ATE1: variants seen among roughly 807,000 people sequenced by gnomAD.
ATE1 encodes the protein arginyltransferase 1.
ATE1 carries 36 observed loss-of-function variants against 70.5 expected under a neutral mutation model. That is an observed-to-expected ratio of 0.51 (90% CI 0.39 to 0.67). The LOEUF (loss-of-function observed/expected upper bound fraction) is 0.67, where lower values mean the gene tolerates loss of function less well. Ranked by LOEUF, ATE1 falls within the 30% of genes least tolerant of loss-of-function variation. ATE1 has a pLI of 0.00. For missense variants in ATE1, 593 were observed against 629.5 expected, an observed-to-expected ratio of 0.94 and a Z score of 0.62; for synonymous variants, 232 against 219.3, an observed-to-expected ratio of 1.06 and a Z score of -0.51.
At chr10:121,848,562 G>A (rs931422665) in intron 8 of ATE1, among the ~76,000 whole-genome samples, 7 of 151,130 alleles carry the variant, frequency 4.6e-5, no homozygotes, top group African/African-American at 1.7e-4. Flanking sequence ...AGGCTGCAGT[G>A]GGCCAAGATC....
At chr10:121,886,938 T>C (rs1423917571) in intron 7 of ATE1, among the ~76,000 whole-genome samples, 1 of 152,206 alleles carries the variant, frequency 6.6e-6, no homozygotes, top group African/African-American at 2.4e-5. Flanking sequence ...TACTTTCATA[T>C]ACAAAAATGT....
At chr10:121,867,195 G>T (rs753351859) in intron 8 of ATE1, among the ~76,000 whole-genome samples, 2 of 152,114 alleles carry the variant, frequency 1.3e-5, no homozygotes, top group African/African-American at 2.4e-5. Context: ...ACTAAGAATG[G>T]GAAAGCAATA....
At chr10:121,751,676 A>C (rs1471232879) in intron 11 of ATE1, among the ~76,000 whole-genome samples, 1 of 152,152 alleles carries the variant, frequency 6.6e-6, no homozygotes. Flanking sequence ...TTGAGTTGTC[A>C]GAATTCTTTA....
At chr10:121,900,150 A>G (rs1299574574) in intron 6 of ATE1, among the ~76,000 whole-genome samples, 156 bp from the exon 7 acceptor site, 1 of 152,228 alleles carries the variant, frequency 6.6e-6, no homozygotes, top group East Asian at 1.9e-4. Flanking sequence ...GTTAGTAAAT[A>G]AAGAAAAAAG....
chr10:121,825,953 A>G (rs1009923062), intron 10 of ATE1, among the ~76,000 whole-genome samples: 11 of 152,376 alleles, frequency 7.2e-5, no homozygotes, highest in African/African-American at 1.7e-4. Context: ...TGAATAAACA[A>G]AATGTGGTAT....
chr10:121,754,864 G>A (rs1198944269), intron 11 of ATE1, among the ~76,000 whole-genome samples: 1 of 152,160 alleles, frequency 6.6e-6, no homozygotes, highest in Non-Finnish European at 1.5e-5. Context: ...AATTAACACT[G>A]TATACCTCCT....
At chr10:121,893,577 A>AT (rs1950658195) in intron 7 of ATE1, among the ~76,000 whole-genome samples, 1 of 152,136 alleles carries the variant, frequency 6.6e-6, no homozygotes, top group Non-Finnish European at 1.5e-5. Context: ...GATACATGTA[A>AT]TATGTATAAC....
intron 11 of ATE1, among the ~76,000 whole-genome samples, chr10:121,761,421 A>AT (rs778262482): frequency 3.3e-5 from 5 of 151,752 alleles, no homozygotes; most frequent in African/African-American, 1.2e-4. Context: ...GATCACTAGC[A>AT]TTTTTTAGCA....
intron 10 of ATE1, among the ~76,000 whole-genome samples, chr10:121,796,969 A>G (rs1256866389): frequency 6.6e-6 from 1 of 152,220 alleles, no homozygotes; most frequent in Non-Finnish European, 1.5e-5. Flanking sequence ...AAAATATCTT[A>G]GTTTAACAAA....
chr10:121,749,441 C>T (rs1259934783), intron 11 of ATE1, among the ~76,000 whole-genome samples: 1 of 151,940 alleles, frequency 6.6e-6, no homozygotes, highest in Non-Finnish European at 1.5e-5. Context: ...TTCTGCCTAC[C>T]CAAAGAAATC....
Position 121,748,053 on chromosome 10 carries a change from A to C in ATE1, c.1379-4195T>G, listed in dbSNP as rs1944437031. Among the ~76,000 whole-genome samples, 3 of 152,246 alleles carry C rather than the reference A, an allele frequency of 2.0e-5. No homozygotes were observed. The South Asian group carries it at 6.2e-4, about 32-fold the overall frequency. ...CAGCAAGTGAAAAAGCAGCAAGAACAATGGCAAAACAAAATTTTCTAAATC... is the reference window on the plus strand; with the variant it reads ...CAGCAAGTGAAAAAGCAGCAAGAACCATGGCAAAACAAAATTTTCTAAATC... On this transcript the variant is annotated intron_variant, in intron 11 of 11. Transcript: ENST00000224652.
At chr10:121,817,603 G>A (rs1947610354) in intron 10 of ATE1, among the ~76,000 whole-genome samples, 1 of 151,012 alleles carries the variant, frequency 6.6e-6, no homozygotes, top group African/African-American at 2.4e-5. Flanking sequence ...GAGACAGGCA[G>A]ATGTGAAAAG....
rs1440580851 is a variant in ATE1, at chr10:121,742,690, T to A, written c.*990A>T. On this transcript the variant is annotated 3_prime_UTR_variant, in exon 12 of 12. Coordinates refer to ENST00000224652, the MANE Select transcript of ATE1 (RefSeq NM_001001976.3). Reference sequence around the variant, plus strand: ...GCAGAAGCCACCCTGACTGTGACTCTCAAATCAAAGGACAAGAAATGGATT... The same window carrying A: ...GCAGAAGCCACCCTGACTGTGACTCACAAATCAAAGGACAAGAAATGGATT... The A allele has an allele frequency of 6.6e-6, 1 of 152,220 alleles. No individual in the cohort carries two copies. The highest frequency in any genetic ancestry group is 1.9e-4 in the East Asian group (1 of 5,190). 9.4% of individuals were successfully genotyped at this position (152,220 alleles called of 1,614,324 possible). A position where few individuals can be genotyped will look rare whatever the true frequency, so the allele number is the denominator to read the frequency against.
chr10:121,790,406 G>C (rs1590306403), intron 10 of ATE1, 117 bp from the exon 11 acceptor site: 3 of 1,315,790 alleles, frequency 2.3e-6, no homozygotes, highest in Non-Finnish European at 3.0e-6. Context: ...ACCAGAAACT[G>C]TTTTACTGTA....
chr10:121,923,339 C>T (rs958000548), intron 2 of ATE1, among the ~76,000 whole-genome samples: 1 of 152,188 alleles, frequency 6.6e-6, no homozygotes, highest in African/African-American at 2.4e-5. Context: ...GTGATGCACA[C>T]CTGTAGTCCT....
chr10:121,851,090 CAAAAAAAAAAAAA>C (rs10603053), intron 8 of ATE1, among the ~76,000 whole-genome samples: 65 of 43,228 alleles, frequency 1.5e-3, no homozygotes, highest in African/African-American at 4.8e-3. Context: ...GACTCCATCT[CAAAAAAAAAAAAA>C]AAAAAAAAAA....
chr10:121,815,760 C>G (rs1036728025), intron 10 of ATE1, among the ~76,000 whole-genome samples: 4 of 152,152 alleles, frequency 2.6e-5, no homozygotes, highest in African/African-American at 9.7e-5. Context: ...GCGCTGCAAC[C>G]GTAATGCCCT....
chr10:121,772,569 C>T (rs1036826552), intron 11 of ATE1, among the ~76,000 whole-genome samples: 4 of 152,206 alleles, frequency 2.6e-5, no homozygotes, highest in Non-Finnish European at 5.9e-5. Context: ...TCTCACGCCT[C>T]ACAGCCTGAA....
chr10:121,878,185 G>A (rs7907871), intron 7 of ATE1, among the ~76,000 whole-genome samples: 20,058 of 152,122 alleles, frequency 0.13, 1,524 homozygotes, highest in East Asian at 0.19. Flanking sequence ...GTGATAGAAG[G>A]GTAGTTAACC....
Sources: allele counts gnomAD v4.1 joint callset (sites outside exome capture counted in the v4.1 genomes callset), GRCh38; gene constraint gnomAD v4.1.1; transcripts MANE v1.5; gene names NCBI Gene and HGNC (gene_info 2026-07-23, HGNC 2026-07-21).